CTNND2: variants seen among roughly 807,000 people sequenced by gnomAD.
CTNND2 encodes catenin delta-2.
CTNND2 carries 22 observed loss-of-function variants against 144.4 expected under a neutral mutation model. The observed-to-expected ratio is 0.15, with a 90% CI of 0.11 to 0.22. The LOEUF (loss-of-function observed/expected upper bound fraction) is 0.22. Among genes scored for constraint, CTNND2 ranks in the 10% least tolerant of loss-of-function variants. The pLI is 1.00. For missense variants in CTNND2, 1,353 were observed against 1,618.8 expected, an observed-to-expected ratio of 0.84 and a Z score of 2.82; for synonymous variants, 751 against 695.6, an observed-to-expected ratio of 1.08 and a Z score of -1.25.
intron 3 of CTNND2, among the ~76,000 whole-genome samples, chr5:11,496,279 G>A (rs1056265074): frequency 2.0e-5 from 3 of 152,188 alleles, no homozygotes; most frequent in Admixed American, 2.0e-4. Context: ...AGTGGTTTCA[G>A]GTGCACCAGG....
intron 1 of CTNND2, among the ~76,000 whole-genome samples, chr5:11,885,323 T>C (rs1736437967): frequency 6.6e-6 from 1 of 152,134 alleles, no homozygotes; most frequent in African/African-American, 2.4e-5. Flanking sequence ...TATTACTGAT[T>C]TAATCTCATT....
At chr5:11,429,408 T>C (rs1763066074) in intron 3 of CTNND2, among the ~76,000 whole-genome samples, 1 of 152,184 alleles carries the variant, frequency 6.6e-6, no homozygotes, top group Non-Finnish European at 1.5e-5. Context: ...CATGAGCATG[T>C]CCCCGTTCTG....
intron 1 of CTNND2, among the ~76,000 whole-genome samples, chr5:11,849,063 C>T (rs780181346): frequency 5.3e-5 from 8 of 152,070 alleles, no homozygotes; most frequent in Non-Finnish European, 5.9e-5. Flanking sequence ...AAGACATACC[C>T]GAGACTAGGT....
At chr5:11,796,863 C>G (rs1376810940) in intron 1 of CTNND2, among the ~76,000 whole-genome samples, 2 of 152,022 alleles carry the variant, frequency 1.3e-5, no homozygotes, top group African/African-American at 4.8e-5. Context: ...GTGAAAAGCT[C>G]AAGAGAAGTA....
intron 1 of CTNND2, among the ~76,000 whole-genome samples, chr5:11,759,502 C>G (rs1039613388): frequency 6.6e-6 from 1 of 151,946 alleles, no homozygotes; most frequent in South Asian, 2.1e-4. Context: ...AGACAAAGCA[C>G]AAATATTCAA....
At chr5:11,668,378 G>C (rs1212074754) in intron 2 of CTNND2, among the ~76,000 whole-genome samples, 1 of 152,226 alleles carries the variant, frequency 6.6e-6, no homozygotes, top group Non-Finnish European at 1.5e-5. Flanking sequence ...TCACGATATT[G>C]ATTCTTCCTA....
intron 12 of CTNND2, among the ~76,000 whole-genome samples, chr5:11,159,031 C>T (rs952242439): frequency 2.6e-5 from 4 of 152,330 alleles, no homozygotes; most frequent in East Asian, 1.9e-4. Context: ...GAGAGAATCA[C>T]AAGACATTTG....
chr5:11,735,325 A>C (rs1432079138), intron 1 of CTNND2, among the ~76,000 whole-genome samples: 1 of 152,190 alleles, frequency 6.6e-6, no homozygotes, highest in African/African-American at 2.4e-5. Flanking sequence ...CAGTTCAGCA[A>C]ATGTTGTGCC....
intron 18 of CTNND2, among the ~76,000 whole-genome samples, chr5:11,004,306 C>T (rs1580005754): frequency 6.6e-6 from 1 of 152,320 alleles, no homozygotes; most frequent in East Asian, 1.9e-4. Context: ...TAAAACTGAA[C>T]AGTCCAGTCT....
chr5:11,055,815 T>A (rs1746296610), intron 16 of CTNND2, among the ~76,000 whole-genome samples: 1 of 152,130 alleles, frequency 6.6e-6, no homozygotes, highest in Non-Finnish European at 1.5e-5. Flanking sequence ...GAGCTGCTAC[T>A]GGCCTACACC....
At chr5:11,455,760 T>C (rs31954) in intron 3 of CTNND2, among the ~76,000 whole-genome samples, 7,945 of 152,248 alleles carry the variant, frequency 0.052, 644 homozygotes, top group African/African-American at 0.17. Context: ...CTTTAGATAA[T>C]GGCAACTAAT....
At chr5:11,491,499 C>T (rs1031809037) in intron 3 of CTNND2, among the ~76,000 whole-genome samples, 1 of 152,134 alleles carries the variant, frequency 6.6e-6, no homozygotes, top group African/African-American at 2.4e-5. Context: ...ATTCCAGGTC[C>T]CAGCACTAGG....
intron 3 of CTNND2, among the ~76,000 whole-genome samples, chr5:11,536,132 T>C (rs1774198153): frequency 6.6e-6 from 1 of 152,238 alleles, no homozygotes. Flanking sequence ...GTCACTATCA[T>C]AGCCCACTGC....
At chr5:11,046,760 G>T (rs948245751) in intron 16 of CTNND2, among the ~76,000 whole-genome samples, 3 of 152,158 alleles carry the variant, frequency 2.0e-5, no homozygotes, top group Non-Finnish European at 4.4e-5. Context: ...TGATGCTTCA[G>T]TTAATCACAT....
chr5:11,340,819 A>G (rs1176637686), intron 9 of CTNND2, among the ~76,000 whole-genome samples: 1 of 152,224 alleles, frequency 6.6e-6, no homozygotes, highest in African/African-American at 2.4e-5. Flanking sequence ...TCTGAGCCTC[A>G]GTTTCCCCAC....
chr5:11,540,629 C>T (rs1229217774), intron 3 of CTNND2, among the ~76,000 whole-genome samples: 1 of 152,148 alleles, frequency 6.6e-6, no homozygotes, highest in African/African-American at 2.4e-5. Context: ...CCGGGCTCAG[C>T]CTCCTGAGTA....
At chr5:11,182,104 GA>G (rs1735112537) in intron 11 of CTNND2, among the ~76,000 whole-genome samples, 1 of 134,858 alleles carries the variant, frequency 7.4e-6, no homozygotes, top group Non-Finnish European at 1.6e-5. Context: ...TGTGTGGATG[GA>G]GTGTGTGTGT....
chr5:11,364,653 A>T (rs746883151), intron 8 of CTNND2, 43 bp downstream of exon 8: 2 of 1,528,180 alleles, frequency 1.3e-6, no homozygotes, highest in South Asian at 2.5e-5. Flanking sequence ...CGCAGAGCCC[A>T]CCCCCTGTGG....
At chr5:11,511,957 T>C (rs1176087420) in intron 3 of CTNND2, among the ~76,000 whole-genome samples, 1 of 152,138 alleles carries the variant, frequency 6.6e-6, no homozygotes. Context: ...CAAACCTATT[T>C]TGCACTCTCA....
Sources: allele counts gnomAD v4.1 joint callset (sites outside exome capture counted in the v4.1 genomes callset), GRCh38; gene constraint gnomAD v4.1.1; transcripts MANE v1.5; gene names NCBI Gene and HGNC (gene_info 2026-07-23, HGNC 2026-07-21).